Variants in LAMA2 observed in about 807,000 individuals in gnomAD.
The protein encoded by LAMA2 is laminin subunit alpha-2.
In LAMA2, 269 loss-of-function variants were observed where a neutral mutation model predicts 364.8. That is an observed-to-expected ratio of 0.74 (90% CI 0.67 to 0.82). The LOEUF is 0.82. LAMA2 is among the 40% of genes least tolerant of loss of function. LAMA2 has a pLI of 0.00. For missense variants in LAMA2, 3,807 were observed against 3,873.2 expected (o/e 0.98, Z 0.45); for synonymous variants, 1,379 against 1,370.6 (o/e 1.01, Z -0.14).
At chr6:129,266,968 T>C (rs1291665336) in intron 15 of LAMA2, 138 bp from the exon 16 acceptor site, 4 of 743,674 alleles carry the variant, frequency 5.4e-6, no homozygotes, top group Non-Finnish European at 9.9e-6. Context: ...AATGTTTCAA[T>C]AATGGCAATG....
chr6:128,889,660 A>T (rs554333718), intron 1 of LAMA2, among the ~76,000 whole-genome samples: 8 of 152,192 alleles, frequency 5.3e-5, no homozygotes, highest in Admixed American at 6.5e-5. Flanking sequence ...TCTAACAAAT[A>T]TAACATTTAG....
intron 45 of LAMA2, among the ~76,000 whole-genome samples, chr6:129,448,007 G>C (rs1212355762): frequency 6.6e-6 from 1 of 152,166 alleles, no homozygotes; most frequent in Non-Finnish European, 1.5e-5. Context: ...AAAAGTATAG[G>C]CTGGGCATGG....
intron 1 of LAMA2, among the ~76,000 whole-genome samples, chr6:128,993,122 A>G (rs1429902073): frequency 6.6e-6 from 1 of 152,200 alleles, no homozygotes; most frequent in Non-Finnish European, 1.5e-5. Context: ...CAGCAACGCC[A>G]CTGATTATTT....
At chr6:129,243,783 C>T (rs1037000878) in intron 12 of LAMA2, among the ~76,000 whole-genome samples, 13 of 151,174 alleles carry the variant, frequency 8.6e-5, no homozygotes, top group Non-Finnish European at 1.2e-4. Flanking sequence ...AATTAATGCA[C>T]GTGTGAAAGG....
At position 128,915,138 on chromosome 6, in the gene LAMA2, C is replaced by T. The variant is rs552757415; in HGVS notation, c.112+31781C>T. 2.0e-4 allele frequency among the ~76,000 whole-genome samples: 31 copies of T among 152,150 alleles called. 1 individual carries two copies. Among genetic ancestry groups the T allele is most frequent in the Non-Finnish European group, 2.6e-4 (18 of 67,974 alleles). On this transcript the variant is annotated intron_variant, in intron 1 of 64. Transcript: ENST00000421865. ...TTGAAATACTTTGGTGTCACATGGA[C>T]CTTTTCCTGAATACCATGGCTATGT...
chr6:129,261,529 G>A (rs1787133021), intron 15 of LAMA2, among the ~76,000 whole-genome samples: 1 of 152,048 alleles, frequency 6.6e-6, no homozygotes, highest in Admixed American at 6.6e-5. Context: ...CTTGAAACCT[G>A]GTCAAAAAAT....
intron 12 of LAMA2, among the ~76,000 whole-genome samples, chr6:129,218,587 C>T (rs1783579121): frequency 6.6e-6 from 1 of 152,210 alleles, no homozygotes; most frequent in African/African-American, 2.4e-5. Flanking sequence ...CATTAAATGC[C>T]TGATACAATT....
intron 7 of LAMA2, among the ~76,000 whole-genome samples, chr6:129,152,351 C>T (rs1778860138): frequency 6.6e-6 from 1 of 152,146 alleles, no homozygotes; most frequent in South Asian, 2.1e-4. Flanking sequence ...AGTGTTTTAT[C>T]ATATCTACTA....
intron 1 of LAMA2, among the ~76,000 whole-genome samples, chr6:128,965,979 GTTTT>G (rs11342050): frequency 1.8e-5 from 2 of 112,794 alleles, no homozygotes; most frequent in African/African-American, 6.8e-5. Flanking sequence ...TAAACCAGAG[GTTTT>G]TTTTTTTTTT....
In LAMA2 at chr6:129,048,540, C is replaced by CCTTCCTTTCTTTCTTT. The variant is rs1562188047; in HGVS notation, c.113-1375_113-1374insCCTTTCTTTCTTTCTT. Among the ~76,000 whole-genome samples, 77 of 53,942 alleles carry CCTTCCTTTCTTTCTTT rather than the reference C, an allele frequency of 1.4e-3. 1 individual carries two copies. The highest frequency in any genetic ancestry group is 3.2e-3 in the African/African-American group (60 of 18,902). 35.4% of individuals were successfully genotyped at this position (53,942 alleles called of 152,430 possible). A position where few individuals can be genotyped will look rare whatever the true frequency, so the allele number is the denominator to read the frequency against. ...TCCTTCCTTCCTTCCTTCCTTCCTT[C>CCTTCCTTTCTTTCTTT]CTTTCTTTCTTTCTCTCTCTCTCTC... On this transcript the variant is annotated intron_variant, in intron 1 of 64. Transcript: ENST00000421865.
chr6:129,411,302 T>G (rs1264546788), intron 40 of LAMA2, among the ~76,000 whole-genome samples: 1 of 152,160 alleles, frequency 6.6e-6, no homozygotes, highest in African/African-American at 2.4e-5. Flanking sequence ...ACCAGGCCTT[T>G]CTTAGGCATT....
intron 56 of LAMA2, among the ~76,000 whole-genome samples, chr6:129,489,247 C>T (rs944218021): frequency 1.3e-5 from 2 of 152,164 alleles, no homozygotes; most frequent in Admixed American, 1.3e-4. Context: ...TTTAATACCG[C>T]CTCACAAAAT....
At chr6:129,447,977 C>T (rs1782474695) in intron 45 of LAMA2, among the ~76,000 whole-genome samples, 1 of 152,108 alleles carries the variant, frequency 6.6e-6, no homozygotes, top group South Asian at 2.1e-4. Context: ...TAAAACCTGT[C>T]TTAAAGTACA....
Position 129,514,398 on chromosome 6 carries a change from C to G in LAMA2, c.9014C>G (p.Ala3005Gly). Residue 3005 changes from alanine to glycine, a missense_variant, in exon 64 of 65, where the codon GCG becomes GGG. By Grantham distance (60) the Ala-to-Gly change is moderately conservative (BLOSUM62 0). Around this residue, in one of 3 missense-constraint regions of LAMA2, gnomAD observed 3,333 missense variants for 3,345.7 expected, o/e 1.00. Transcript: ENST00000421865. ...TTGATGTTTCATGTGGACAATGGTG[C>G]GGGCAGATTCACTGCTGTCTATGAT... ...EKLMFHVDNG[A>G]GRFTAVYDAG... The G allele has an allele frequency of 6.2e-7, 1 of 1,613,452 alleles. No homozygotes were observed. The highest frequency in any genetic ancestry group is 1.3e-5 in the African/African-American group (1 of 74,960).
intron 11 of LAMA2, among the ~76,000 whole-genome samples, chr6:129,190,840 G>C (rs1010276602): frequency 1.3e-5 from 2 of 152,170 alleles, no homozygotes; most frequent in South Asian, 4.1e-4. Context: ...CCTTCATTCT[G>C]AGTTGGTTTG....
chr6:128,891,766 T>C (rs1294611217), intron 1 of LAMA2, among the ~76,000 whole-genome samples: 1 of 152,092 alleles, frequency 6.6e-6, no homozygotes, highest in Non-Finnish European at 1.5e-5. Context: ...TGAATTCTAA[T>C]TAGAATTTGT....
chr6:129,071,785 A>C (rs1310294675), intron 3 of LAMA2, among the ~76,000 whole-genome samples: 3 of 151,976 alleles, frequency 2.0e-5, no homozygotes, highest in African/African-American at 7.3e-5. Flanking sequence ...CAATTCTTTG[A>C]GACTAAACTT....
intron 3 of LAMA2, among the ~76,000 whole-genome samples, chr6:129,062,912 GTT>G (rs368817743): frequency 0.045 from 5,872 of 129,966 alleles, 390 homozygotes; most frequent in African/African-American, 0.15. Context: ...ATTACAGTGG[GTT>G]TTTTTTTTTT....
At chr6:129,252,721 T>A (rs1200075643) in intron 14 of LAMA2, among the ~76,000 whole-genome samples, 1 of 152,184 alleles carries the variant, frequency 6.6e-6, no homozygotes, top group Non-Finnish European at 1.5e-5. Context: ...GTATATAGAT[T>A]GTAATAAGAA....
Sources: gnomAD v4.1 joint callset for allele counts (sites outside exome capture counted in the v4.1 genomes callset) on GRCh38, gnomAD v4.1.1 for gene constraint, gnomAD v4.1.1 regional missense constraint, MANE v1.5 for transcripts, NCBI Gene and HGNC (gene_info 2026-07-23, HGNC 2026-07-21) for gene names.